Variants in LDLRAD3 observed in about 807,000 individuals in gnomAD.
LDLRAD3 encodes low density lipoprotein receptor class A domain containing 3, also known as low-density lipoprotein receptor class A domain-containing protein 3.
In LDLRAD3, 20 loss-of-function variants were observed where a neutral mutation model predicts 29.4. The ratio of observed to expected loss-of-function variants is 0.68; its 90% confidence interval spans 0.48 to 0.99. LDLRAD3 has a LOEUF of 0.99. Among genes scored for constraint, LDLRAD3 ranks in the 50% least tolerant of loss-of-function variants. LDLRAD3 has a pLI of 0.00. For synonymous variants in LDLRAD3, 157 were observed against 192.7 expected, an observed-to-expected ratio of 0.81 and a Z score of 1.53; for missense variants, 420 against 454.3, an observed-to-expected ratio of 0.92 and a Z score of 0.69.
intron 1 of LDLRAD3, among the ~76,000 whole-genome samples, chr11:35,993,662 A>G (rs1214641112): frequency 8.3e-6 from 1 of 119,864 alleles, no homozygotes; most frequent in Non-Finnish European, 1.6e-5. Flanking sequence ...CCAGAGATAC[A>G]AAAAAAAAAA....
Position 36,203,040 on chromosome 11 carries a change from G to A in LDLRAD3, c.455-24045G>A, listed in dbSNP as rs141183693. Among the ~76,000 whole-genome samples the A allele has an allele frequency of 3.4e-3, 517 of 152,254 alleles. 1 individual carries two copies. The highest frequency in any genetic ancestry group is 5.9e-3 in the Non-Finnish European group (398 of 68,018). On this transcript the variant is annotated intron_variant, in intron 4 of 5. Coordinates refer to ENST00000315571, the MANE Select transcript of LDLRAD3 (RefSeq NM_174902.4). Reference sequence around the variant, plus strand: ...TGACCTCAAACTCCTGGGCTCAAGCGATCCTCCCTCCTTAGCCTCCTGAGT... The same window carrying A: ...TGACCTCAAACTCCTGGGCTCAAGCAATCCTCCCTCCTTAGCCTCCTGAGT...
chr11:36,186,403 C>T (rs1854849617), intron 4 of LDLRAD3, among the ~76,000 whole-genome samples: 1 of 152,158 alleles, frequency 6.6e-6, no homozygotes, highest in African/African-American at 2.4e-5. Flanking sequence ...TGCAGTGAGT[C>T]ACAGGAGCTA....
chr11:36,229,298 C>T lies in LDLRAD3; in HGVS notation c.939C>T (p.Ser313=), dbSNP rs758061629. The T allele has an allele frequency of 7.4e-6, 12 of 1,613,902 alleles. No homozygotes were observed. Among genetic ancestry groups the T allele is most frequent in the South Asian group, 4.4e-5 (4 of 91,088 alleles). ...CCCAGGCAGCCAGCAGCCTCCTGAG[C>T]GTGGAAGACACCAGCCACAGCCCGG... ...ASSQAASSLL[S]VEDTSHSPGQ... is the part of the protein sequence containing the mutation. The change falls in exon 6 of 6, where the codon AGC becomes AGT. Residue 313 remains serine, a synonymous_variant. Coordinates refer to ENST00000315571, the MANE Select transcript of LDLRAD3 (RefSeq NM_174902.4).
At chr11:36,026,496 A>G (rs1852168955) in intron 1 of LDLRAD3, among the ~76,000 whole-genome samples, 1 of 152,186 alleles carries the variant, frequency 6.6e-6, no homozygotes, top group Admixed American at 6.5e-5. Context: ...GGGGCTGGAT[A>G]AAATGAGGCT....
chr11:36,119,040 GGAA>G (rs560087557), intron 4 of LDLRAD3, among the ~76,000 whole-genome samples: 172 of 152,068 alleles, frequency 1.1e-3, no homozygotes, highest in Non-Finnish European at 1.9e-3. Flanking sequence ...GGGCCATATT[GGAA>G]GAAGAATTGC....
In LDLRAD3 at chr11:36,037,176, G is replaced by A. The variant is rs189685944; in HGVS notation, c.193+927G>A. Among the ~76,000 whole-genome samples, 17 of 152,326 alleles carry A rather than the reference G, an allele frequency of 1.1e-4. No individual in the cohort carries two copies. In the East Asian group the frequency reaches 3.1e-3, roughly 28 times the overall value. ...TTGCCTTGAGACCACATGACTGGAC[G>A]ATGGTTCCTGGCTCTTTCATGTGCT... On this transcript the variant is annotated intron_variant, in intron 2 of 5. Transcript: ENST00000315571.
At chr11:36,124,889 G>A (rs927847022) in intron 4 of LDLRAD3, among the ~76,000 whole-genome samples, 4 of 151,734 alleles carry the variant, frequency 2.6e-5, no homozygotes, top group Admixed American at 2.0e-4. Context: ...ACGGGGTTTC[G>A]CCATGTTGGT....
At chr11:35,955,558 T>G (rs1028975138) in intron 1 of LDLRAD3, among the ~76,000 whole-genome samples, 3 of 152,188 alleles carry the variant, frequency 2.0e-5, no homozygotes, top group Non-Finnish European at 2.9e-5. Flanking sequence ...AAATCCATTA[T>G]GTAAGGACTA....
At chr11:36,136,086 A>G (rs1022045686) in intron 4 of LDLRAD3, among the ~76,000 whole-genome samples, 4 of 152,196 alleles carry the variant, frequency 2.6e-5, no homozygotes, top group African/African-American at 9.7e-5. Flanking sequence ...TATTCCTTCT[A>G]TATAACCCAG....
chr11:35,975,264 C>T (rs1345473353), intron 1 of LDLRAD3, among the ~76,000 whole-genome samples: 1 of 152,186 alleles, frequency 6.6e-6, no homozygotes. Flanking sequence ...TTGTTAAATA[C>T]TACTTTTCTG....
chr11:36,186,604 C>G (rs1854853022), intron 4 of LDLRAD3, among the ~76,000 whole-genome samples: 1 of 152,086 alleles, frequency 6.6e-6, no homozygotes, highest in African/African-American at 2.4e-5. Context: ...ATTAGGAGTA[C>G]AAGGAATCAG....
chr11:36,062,003 G>A (rs140081028), intron 2 of LDLRAD3, among the ~76,000 whole-genome samples: 140 of 151,770 alleles, frequency 9.2e-4, no homozygotes, highest in African/African-American at 3.1e-3. Context: ...AGTAGTTATA[G>A]TAATAAAAAC....
intron 4 of LDLRAD3, among the ~76,000 whole-genome samples, chr11:36,140,881 T>C (rs945694334): frequency 1.3e-5 from 2 of 152,180 alleles, no homozygotes; most frequent in Non-Finnish European, 2.9e-5. Flanking sequence ...GCAATTGAAG[T>C]AGATAAAGCA....
At chr11:36,013,860 T>C (rs747998711) in intron 1 of LDLRAD3, among the ~76,000 whole-genome samples, 3 of 152,172 alleles carry the variant, frequency 2.0e-5, no homozygotes, top group Non-Finnish European at 2.9e-5. Flanking sequence ...CTGCCTCCCA[T>C]CCACCAGTTT....
At chr11:35,995,130 T>G (rs1295272883) in intron 1 of LDLRAD3, among the ~76,000 whole-genome samples, 1 of 152,200 alleles carries the variant, frequency 6.6e-6, no homozygotes, top group East Asian at 1.9e-4. Flanking sequence ...GGTTTTGAAT[T>G]TACTTGGCCC....
intron 4 of LDLRAD3, among the ~76,000 whole-genome samples, chr11:36,126,630 G>T (rs1443012963): frequency 1.3e-5 from 2 of 152,134 alleles, no homozygotes; most frequent in African/African-American, 2.4e-5. Context: ...GCCTTGTTTG[G>T]GTTTTTCAGT....
intron 4 of LDLRAD3, among the ~76,000 whole-genome samples, chr11:36,182,593 A>G (rs531007255): frequency 6.6e-6 from 1 of 152,250 alleles, no homozygotes; most frequent in African/African-American, 2.4e-5. Context: ...TTGGCTGCTT[A>G]TTAGAGCATT....
intron 4 of LDLRAD3, among the ~76,000 whole-genome samples, chr11:36,204,014 TA>T (rs5791089): frequency 1.5e-4 from 23 of 148,410 alleles, no homozygotes; most frequent in Admixed American, 1.3e-4. Context: ...GCTTTTAGTT[TA>T]AAAAAAAAAA....
At chr11:36,040,190 T>C (rs1055780903) in intron 2 of LDLRAD3, among the ~76,000 whole-genome samples, 20 of 151,890 alleles carry the variant, frequency 1.3e-4, no homozygotes, top group Non-Finnish European at 5.9e-5. Flanking sequence ...ATTCTTGCCC[T>C]TTTCGAAGGG....
Sources: gnomAD v4.1 joint callset for allele counts (sites outside exome capture counted in the v4.1 genomes callset) on GRCh38, gnomAD v4.1.1 for gene constraint, MANE v1.5 for transcripts, NCBI Gene and HGNC (gene_info 2026-07-23, HGNC 2026-07-21) for gene names.